The following HMGB1 variants were observed in gnomAD, a reference collection of about 807,000 sequenced individuals.
HMGB1 encodes the protein high mobility group protein B1.
For synonymous variants in HMGB1, 81 were observed against 84.0 expected (o/e 0.96, Z 0.19); for missense variants, 79 against 253.5 (o/e 0.31, Z 4.67).
intron 1 of HMGB1, among the ~76,000 whole-genome samples, chr13:30,479,275 C>T (rs1269625365): frequency 2.6e-5 from 4 of 152,200 alleles, no homozygotes; most frequent in Non-Finnish European, 5.9e-5. Flanking sequence ...CAGTGACCAA[C>T]TCTTCTTAGA....
At chr13:30,587,233 C>T (rs528448297) in intron 1 of HMGB1, among the ~76,000 whole-genome samples, 36 of 152,248 alleles carry the variant, frequency 2.4e-4, no homozygotes, top group Non-Finnish European at 4.6e-4. Flanking sequence ...GGGATTTTCC[C>T]ATCTTATATA....
chr13:30,602,205 G>A (rs1001449530), intron 1 of HMGB1, among the ~76,000 whole-genome samples: 2 of 151,484 alleles, frequency 1.3e-5, no homozygotes, highest in African/African-American at 4.9e-5. Flanking sequence ...TGTCACCCAG[G>A]GACACCAGCA....
At chr13:30,492,683 T>G (rs959456741) in intron 1 of HMGB1, among the ~76,000 whole-genome samples, 1 of 152,056 alleles carries the variant, frequency 6.6e-6, no homozygotes, top group Non-Finnish European at 1.5e-5. Context: ...TTTGGAAAAC[T>G]GATAGCTTCT....
intron 1 of HMGB1, among the ~76,000 whole-genome samples, chr13:30,518,111 C>T (rs991619459): frequency 1.3e-5 from 2 of 151,882 alleles, no homozygotes; most frequent in Non-Finnish European, 2.9e-5. Context: ...GTGGGAGGAT[C>T]GCTTGAGCCT....
intron 1 of HMGB1, chr13:30,542,742 C>T: frequency 9.1e-6 from 2 of 219,958 alleles, no homozygotes; most frequent in South Asian, 7.7e-5. Context: ...GAGGACTCCA[C>T]AGGGGCACAG....
chr13:30,505,403 C>A (rs1213727361), intron 1 of HMGB1, among the ~76,000 whole-genome samples: 1 of 152,124 alleles, frequency 6.6e-6, no homozygotes, highest in Non-Finnish European at 1.5e-5. Flanking sequence ...TGGTCTCCAT[C>A]TCCTGACCTC....
At chr13:30,536,564 G>A (rs572574739) in intron 1 of HMGB1, among the ~76,000 whole-genome samples, 1 of 152,168 alleles carries the variant, frequency 6.6e-6, no homozygotes, top group South Asian at 2.1e-4. Context: ...TGGCCAGGCT[G>A]GTCTCGAACT....
chr13:30,507,730 A>G (rs1887899705), intron 1 of HMGB1, among the ~76,000 whole-genome samples: 2 of 152,236 alleles, frequency 1.3e-5, no homozygotes. Context: ...TACAAGAGCC[A>G]GAGTTGGAAT....
intron 1 of HMGB1, chr13:30,542,240 G>A (rs1868927612): frequency 5.3e-6 from 1 of 190,166 alleles, no homozygotes; most frequent in South Asian, 1.2e-4. Context: ...TTCAGCCTCA[G>A]GTTCTCGAAC....
intron 1 of HMGB1, among the ~76,000 whole-genome samples, chr13:30,482,892 A>G (rs542335850): frequency 6.3e-4 from 96 of 151,866 alleles, no homozygotes; most frequent in African/African-American, 2.2e-3. Flanking sequence ...GGCTCAAGCC[A>G]TCCTCATGCC....
At chr13:30,538,763 TTC>T (rs900129772) in intron 1 of HMGB1, among the ~76,000 whole-genome samples, 12 of 147,376 alleles carry the variant, frequency 8.1e-5, no homozygotes, top group African/African-American at 2.3e-4. Context: ...TTCTTTCTCT[TTC>T]TCTCTCTCTT....
chr13:30,551,470 C>T (rs1044287681), intron 1 of HMGB1, among the ~76,000 whole-genome samples: 1 of 152,156 alleles, frequency 6.6e-6, no homozygotes, highest in Admixed American at 6.6e-5. Context: ...CCTTAAATAC[C>T]ATAACATAAA....
At chr13:30,464,822 C>A (rs1456847937) in intron 1 of HMGB1, 1 of 97,462 alleles carries the variant, frequency 1.0e-5, no homozygotes, top group Non-Finnish European at 2.5e-5. Flanking sequence ...GGTGCGGGCG[C>A]GGCGGCGGCG....
At chr13:30,611,996 A>T (rs1305718439) in intron 1 of HMGB1, among the ~76,000 whole-genome samples, 1 of 152,222 alleles carries the variant, frequency 6.6e-6, no homozygotes, top group Non-Finnish European at 1.5e-5. Context: ...TTGGTCAGCC[A>T]TGTAAATTGA....
At chr13:30,491,652 C>A (rs1251214417) in intron 1 of HMGB1, among the ~76,000 whole-genome samples, 2 of 147,088 alleles carry the variant, frequency 1.4e-5, no homozygotes, top group Non-Finnish European at 3.0e-5. Context: ...CAAAGCAAGA[C>A]CCTATCTCAA....
At chr13:30,531,303 T>C (rs1380530738) in intron 1 of HMGB1, among the ~76,000 whole-genome samples, 6 of 152,152 alleles carry the variant, frequency 3.9e-5, no homozygotes, top group Non-Finnish European at 7.4e-5. Context: ...TGATTAAAGC[T>C]AATGAAAGAA....
At chr13:30,499,651 T>G (rs1887690797) in intron 1 of HMGB1, among the ~76,000 whole-genome samples, 1 of 152,196 alleles carries the variant, frequency 6.6e-6, no homozygotes, top group Admixed American at 6.5e-5. Context: ...GAAATAAACC[T>G]TCATTAATTG....
At chr13:30,465,185 C>A in intron 1 of HMGB1, 2 of 935,512 alleles carry the variant, frequency 2.1e-6, no homozygotes, top group South Asian at 4.8e-5. Flanking sequence ...CCGCTCCCCC[C>A]GCCGCCCGGC....
At chr13:30,495,376 C>A (rs1887586112) in intron 1 of HMGB1, among the ~76,000 whole-genome samples, 2 of 152,108 alleles carry the variant, frequency 1.3e-5, no homozygotes, top group African/African-American at 4.8e-5. Context: ...GTAGAAATTT[C>A]TTTCTTATTT....
Sources: allele counts gnomAD v4.1 joint callset (sites outside exome capture counted in the v4.1 genomes callset), GRCh38; gene constraint gnomAD v4.1.1; transcripts MANE v1.5; gene names NCBI Gene and HGNC (gene_info 2026-07-23, HGNC 2026-07-21).